MAP4K5: variants seen among roughly 807,000 people sequenced by gnomAD.
MAP4K5 encodes the protein MAPK/ERK kinase kinase kinase 5.
MAP4K5 carries 82 observed loss-of-function variants against 135.6 expected under a neutral mutation model. The ratio of observed to expected loss-of-function variants is 0.60; its 90% CI spans 0.51 to 0.73. The LOEUF (loss-of-function observed/expected upper bound fraction) is 0.73. MAP4K5 is among the 30% of genes least tolerant of loss of function. The pLI is 0.00. For missense variants in MAP4K5, 907 were observed against 1,010.9 expected, an observed-to-expected ratio of 0.90 and a Z score of 1.39; for synonymous variants, 347 against 335.0, an observed-to-expected ratio of 1.04 and a Z score of -0.39.
At chr14:50,449,707 C>T (rs974295673) in intron 14 of MAP4K5, 1 of 150,410 alleles carries the variant, frequency 6.6e-6, no homozygotes, top group African/African-American at 2.5e-5. Flanking sequence ...CCATAAAATA[C>T]AGTATCTACT....
chr14:50,462,611 T>C lies in MAP4K5; in HGVS notation c.936+54A>G, dbSNP rs1301921224. The C allele has an allele frequency of 7.2e-6, 9 of 1,254,664 alleles. No homozygotes were observed. In the East Asian group the frequency reaches 2.1e-4, roughly 30 times the overall value. 77.7% of individuals were successfully genotyped at this position (1,254,664 alleles called of 1,614,324 possible). On this transcript the variant is annotated intron_variant, in intron 13 of 32. Coordinates refer to ENST00000682126, the MANE Select transcript of MAP4K5 (RefSeq NM_006575.6). Reference sequence around the variant, plus strand: ...AAAACAAAGAAAAAAAAGCAAACTTTAAGGCCTTATAAAACATTTATTTTC... The same window carrying C: ...AAAACAAAGAAAAAAAAGCAAACTTCAAGGCCTTATAAAACATTTATTTTC...
chr14:50,441,741 TATACACAC>T (rs1249112692), intron 21 of MAP4K5, among the ~76,000 whole-genome samples: 1 of 101,308 alleles, frequency 9.9e-6, no homozygotes, highest in Non-Finnish European at 2.0e-5. Flanking sequence ...AAAATTATTT[TATACACAC>T]ACACACACAC....
At chr14:50,510,957 T>C (rs1815892263) in intron 2 of MAP4K5, among the ~76,000 whole-genome samples, 2 of 152,184 alleles carry the variant, frequency 1.3e-5, no homozygotes, top group African/African-American at 2.4e-5. Context: ...CCTTGGCATG[T>C]ACCCAACTGA....
In MAP4K5 at chr14:50,541,621, T is replaced by C. The variant is rs79134350; in HGVS notation, c.-94+878A>G. On this transcript the variant is annotated intron_variant, in intron 2 of 8. Transcript: ENST00000555216. The stretch of plus-strand genomic sequence containing the variant: ...CTATGATGCAAGCTGCCCTGACACT[T>C]AGGCTTTAGGATTCAGCAGACCCAA... Among the ~76,000 whole-genome samples, 1,208 of 152,268 alleles carry C rather than the reference T, an allele frequency of 7.9e-3. 9 individuals carry two copies. The highest frequency in any genetic ancestry group is 0.027 in the African/African-American group (1,129 of 41,546).
chr14:50,527,144 T>C (rs963657456), intron 2 of MAP4K5, among the ~76,000 whole-genome samples: 2 of 152,030 alleles, frequency 1.3e-5, no homozygotes, highest in Non-Finnish European at 2.9e-5. Flanking sequence ...ATTGAGACCA[T>C]CCTAGTCAAC....
chr14:50,445,294 T>A (rs1566645555), intron 17 of MAP4K5, 100 bp from the exon 18 acceptor site: 1 of 1,045,778 alleles, frequency 9.6e-7, no homozygotes, highest in Non-Finnish European at 1.3e-6. Context: ...TCTATACAGT[T>A]CAATTCACTG....
At chr14:50,450,988 CAAG>C (rs1406221914) in intron 14 of MAP4K5, among the ~76,000 whole-genome samples, 1 of 151,898 alleles carries the variant, frequency 6.6e-6, no homozygotes, top group Non-Finnish European at 1.5e-5. Flanking sequence ...AATCAGCAGA[CAAG>C]AATTTCAAAA....
At chr14:50,520,199 T>A (rs1341473642) in intron 2 of MAP4K5, among the ~76,000 whole-genome samples, 1 of 152,036 alleles carries the variant, frequency 6.6e-6, no homozygotes, top group African/African-American at 2.4e-5. Flanking sequence ...CCTGTCTCTA[T>A]TAAAAATACA....
At chr14:50,516,013 C>T (rs1455029495) in intron 2 of MAP4K5, among the ~76,000 whole-genome samples, 1 of 152,238 alleles carries the variant, frequency 6.6e-6, no homozygotes, top group East Asian at 1.9e-4. Flanking sequence ...ACCGTATCCA[C>T]CACACTCACT....
intron 10 of MAP4K5, among the ~76,000 whole-genome samples, chr14:50,467,836 C>A (rs1193234540): frequency 1.3e-5 from 2 of 152,206 alleles, no homozygotes; most frequent in Non-Finnish European, 2.9e-5. Flanking sequence ...ATTCCCGTAT[C>A]TGGTACTTGC....
At chr14:50,453,875 G>A (rs7148475) in intron 14 of MAP4K5, among the ~76,000 whole-genome samples, 143,794 of 152,200 alleles carry the variant, frequency 0.94, 68,447 homozygotes, top group East Asian at 1. Flanking sequence ...TCTCACTGCA[G>A]GGAGTCAGTA....
At chr14:50,444,488 C>T (rs2036298410) in intron 18 of MAP4K5, among the ~76,000 whole-genome samples, 1 of 152,064 alleles carries the variant, frequency 6.6e-6, no homozygotes, top group Non-Finnish European at 1.5e-5. Context: ...GTCACTCATG[C>T]CTGTAATTCC....
In MAP4K5 at chr14:50,466,687, T is replaced by G. The variant is rs765922389; in HGVS notation, c.675-42A>C. 11 of 831,586 alleles carry G rather than the reference T, an allele frequency of 1.3e-5. No homozygotes were observed. The South Asian group carries it at 1.6e-4, about 12-fold the overall frequency. 51.5% of individuals were successfully genotyped at this position (831,586 alleles called of 1,614,324 possible). A position where few individuals can be genotyped will look rare whatever the true frequency, so the allele number is the denominator to read the frequency against. ...AGTTAAAGAACAATATCAAAATTACTACATCTAACAATTAGAAAGAATATT... is the reference window on the plus strand; with the variant it reads ...AGTTAAAGAACAATATCAAAATTACGACATCTAACAATTAGAAAGAATATT... On this transcript the variant is annotated intron_variant, in intron 10 of 32. Transcript: ENST00000682126.
intron 17 of MAP4K5, 78 bp from the exon 18 acceptor site, chr14:50,445,272 T>G: frequency 3.0e-6 from 4 of 1,354,118 alleles, no homozygotes; most frequent in Non-Finnish European, 4.1e-6. Flanking sequence ...GAAATGCACC[T>G]TTTTTCATTC....
chr14:50,451,208 TC>T (rs1433555913), intron 14 of MAP4K5, among the ~76,000 whole-genome samples: 1 of 151,300 alleles, frequency 6.6e-6, no homozygotes, highest in Non-Finnish European at 1.5e-5. Flanking sequence ...GTAAAAAAGA[TC>T]AATAAGCTTC....
intron 17 of MAP4K5, among the ~76,000 whole-genome samples, chr14:50,445,798 C>G (rs2036333933): frequency 6.6e-6 from 1 of 152,140 alleles, no homozygotes; most frequent in East Asian, 1.9e-4. Context: ...AACTCCTGAT[C>G]TGAAGTGATC....
upstream of MAP4K5, among the ~76,000 whole-genome samples, chr14:50,534,320 G>A (rs191742706): frequency 3.3e-5 from 5 of 152,300 alleles, no homozygotes; most frequent in South Asian, 2.1e-4. Context: ...AGAACAGTGT[G>A]ACAAATCGGC....
At chr14:50,469,039 T>C (rs1357834489) in intron 9 of MAP4K5, among the ~76,000 whole-genome samples, 3 of 152,222 alleles carry the variant, frequency 2.0e-5, no homozygotes, top group Non-Finnish European at 2.9e-5. Flanking sequence ...TTGGTTTCTA[T>C]TTTTGTGAAT....
intron 3 of MAP4K5, among the ~76,000 whole-genome samples, chr14:50,494,820 C>A (rs2037559885): frequency 1.3e-5 from 2 of 152,174 alleles, no homozygotes; most frequent in Non-Finnish European, 2.9e-5. Flanking sequence ...GGTATCAGAA[C>A]TACTTGATGG....
Sources: gnomAD v4.1 joint callset for allele counts (sites outside exome capture counted in the v4.1 genomes callset) on GRCh38, gnomAD v4.1.1 for gene constraint, MANE v1.5 for transcripts, NCBI Gene and HGNC (gene_info 2026-07-23, HGNC 2026-07-21) for gene names.